Variants in RIPK1 observed in about 807,000 individuals in gnomAD.
RIPK1 encodes receptor-interacting serine/threonine-protein kinase 1.
Under a neutral mutation model 62.4 loss-of-function variants are expected in RIPK1, and 27 were observed. That is an observed-to-expected ratio of 0.43 (90% CI 0.32 to 0.60). The LOEUF (loss-of-function observed/expected upper bound fraction) is 0.60. RIPK1 is among the 20% of genes least tolerant of loss of function. RIPK1 has a pLI of 0.07. For missense variants in RIPK1, 735 were observed against 831.0 expected (o/e 0.88, Z 1.42); for synonymous variants, 287 against 303.2 (o/e 0.95, Z 0.55).
At chr6:3,067,163 T>G (rs1193825832), upstream of RIPK1, among the ~76,000 whole-genome samples, 2 of 151,178 alleles carry the variant, frequency 1.3e-5, no homozygotes, top group Non-Finnish European at 2.9e-5. Context: ...AAGTGATATC[T>G]TGGATGCCCT....
intron 6 of RIPK1, among the ~76,000 whole-genome samples, chr6:3,086,960 T>C (rs1759728652): frequency 6.6e-6 from 1 of 152,202 alleles, no homozygotes; most frequent in African/African-American, 2.4e-5. Flanking sequence ...CTTAGAAGAC[T>C]CCAAGGATTT....
Position 3,077,793 on chromosome 6 carries a change from T to A in RIPK1, c.179T>A (p.Leu60His). 1 of 1,614,110 alleles carries A rather than the reference T, an allele frequency of 6.2e-7. No individual in the cohort carries two copies. The highest frequency in any genetic ancestry group is 8.5e-7 in the Non-Finnish European group (1 of 1,179,994). ...GPNCIEHNEA[L>H]LEEAKMMNRL... ...CCTGCCCACAGGCACAACGAGGCCC[T>A]CTTGGAGGAGGCGAAGATGATGAAC... The change falls in exon 3 of 11, where the codon CTC (leucine) becomes CAC (histidine). Residue 60 changes from leucine to histidine, a missense_variant. Physicochemically the swap from Leu to His is moderately conservative, Grantham distance 99 (BLOSUM62 -3). This residue lies in a region of RIPK1 where 671 missense variants were observed against 726.2 expected (regional missense o/e 0.92). Coordinates refer to ENST00000259808, the MANE Select transcript of RIPK1 (RefSeq NM_001354930.2).
chr6:3,085,056 A>G (rs1759617257), intron 5 of RIPK1, among the ~76,000 whole-genome samples: 1 of 152,130 alleles, frequency 6.6e-6, no homozygotes, highest in African/African-American at 2.4e-5. Context: ...TTTGTCGAGA[A>G]TTTTGTTTTA....
chr6:3,066,414 C>A (rs1376096728), upstream of RIPK1, among the ~76,000 whole-genome samples: 1 of 152,074 alleles, frequency 6.6e-6, no homozygotes, highest in Non-Finnish European at 1.5e-5. Flanking sequence ...GGAATGAATT[C>A]CTTTTTGTAT....
chr6:3,106,571 C>A lies in RIPK1; in HGVS notation c.1576+520C>A, dbSNP rs532281133. On this transcript the variant is annotated intron_variant, in intron 9 of 10. Transcript: ENST00000259808. ...GAATGGAAGTGAGTTAATGTAATAT[C>A]CAGCATTTTTATCAAATAATACTCA... 4.6e-5 allele frequency among the ~76,000 whole-genome samples: 7 copies of A among 152,230 alleles called. No individual in the cohort carries two copies. In the South Asian group the frequency reaches 1.5e-3, roughly 32 times the overall value.
chr6:3,079,084 T>C (rs1025837050), intron 3 of RIPK1, among the ~76,000 whole-genome samples: 8 of 151,074 alleles, frequency 5.3e-5, no homozygotes, highest in Non-Finnish European at 1.2e-4. Flanking sequence ...AGCTGTGTGG[T>C]GGTATTTTTT....
rs1478140557 is a variant in RIPK1, at chr6:3,072,084, A to G, written c.-61+3423A>G. ...GCATAACTGATTCTCTCCTCTGTACATGCTAAGTGTTTTACCTACTTTTGC... is the reference window on the plus strand; with the variant it reads ...GCATAACTGATTCTCTCCTCTGTACGTGCTAAGTGTTTTACCTACTTTTGC... On this transcript the variant is annotated intron_variant, in intron 1 of 10. Transcript: ENST00000259808. This position sits in a 1 kb window ranked among gnomAD's most constrained non-coding sequence, Gnocchi z 5.6. Among the ~76,000 whole-genome samples, 4 of 152,320 alleles carry G rather than the reference A, an allele frequency of 2.6e-5. No homozygotes were observed. The South Asian group carries it at 6.2e-4, about 24-fold the overall frequency.
Position 3,072,098 on chromosome 6 carries a change from A to G in RIPK1, c.-61+3437A>G, listed in dbSNP as rs1258086125. ...CTCCTCTGTACATGCTAAGTGTTTT[A>G]CCTACTTTTGCTGTTCTATGTAATG... On this transcript the variant is annotated intron_variant, in intron 1 of 10. Coordinates refer to ENST00000259808, the MANE Select transcript of RIPK1 (RefSeq NM_001354930.2). This position sits in a 1 kb window ranked among gnomAD's most constrained non-coding sequence, Gnocchi z 5.6. Among the ~76,000 whole-genome samples, 4 of 152,302 alleles carry G rather than the reference A, an allele frequency of 2.6e-5. No homozygotes were observed. Among genetic ancestry groups the G allele is most frequent in the African/African-American group, 9.6e-5 (4 of 41,564 alleles).
Position 3,105,621 on chromosome 6 carries a change from C to T in RIPK1, c.1146C>T (p.Ala382=). ...TGCAGAGTAAACTCCAAGACGAAGC[C>T]AACTACCATCTTTATGGCAGCCGCA... is the stretch of plus-strand genomic sequence containing the variant. ...PSLQSKLQDE[A]NYHLYGSRMD... Residue 382 remains alanine (A), a synonymous_variant, in exon 9 of 11, where the codon GCC becomes GCT. Transcript: ENST00000259808. This position sits in a 1 kb window ranked among gnomAD's most constrained non-coding sequence, Gnocchi z 4.5. 2 of 1,614,062 alleles carry T rather than the reference C, an allele frequency of 1.2e-6. No homozygotes were observed. Among genetic ancestry groups the T allele is most frequent in the Non-Finnish European group, 1.7e-6 (2 of 1,179,990 alleles).
chr6:3,085,050 T>C (rs1759616472), intron 5 of RIPK1, among the ~76,000 whole-genome samples: 1 of 152,234 alleles, frequency 6.6e-6, no homozygotes, highest in Non-Finnish European at 1.5e-5. Flanking sequence ...GGCAGCTTTG[T>C]CGAGAATTTT....
chr6:3,104,286 T>A lies in RIPK1; in HGVS notation c.977T>A (p.Val326Glu), dbSNP rs2113688905. Residue 326 changes from valine (V) to glutamate (E), a missense_variant, in exon 8 of 11, where the codon GTG becomes GAG. Transcript: ENST00000259808. Reference sequence around the variant, plus strand: ...ATGCAGTCTCTTCAACTTGATTGTGTGGCAGTACCTTCAAGCCGGTCAAAT... The same window carrying A: ...ATGCAGTCTCTTCAACTTGATTGTGAGGCAGTACCTTCAAGCCGGTCAAAT... ...KRMQSLQLDC[V>E]AVPSSRSNSA... 1.9e-6 allele frequency: 3 copies of A among 1,600,194 alleles called. No homozygotes were observed. Among genetic ancestry groups the A allele is most frequent in the Non-Finnish European group, 1.7e-6 (2 of 1,168,398 alleles).
rs1760714951 is a variant in RIPK1 at position 3,104,211 on chromosome 6, G to C, written c.916-14G>C. On this transcript the variant is annotated splice_polypyrimidine_tract_variant and intron_variant, in intron 7 of 10. Coordinates refer to ENST00000259808, the MANE Select transcript of RIPK1 (RefSeq NM_001354930.2). ...GCTGTTCACTAAAGTGTGTATTTAT[G>C]CTCTTAATTATAGAAAGAGTATTCA... The C allele has an allele frequency of 7.8e-7, 1 of 1,280,426 alleles. No homozygotes were observed. 79.3% of individuals were successfully genotyped at this position (1,280,426 alleles called of 1,614,324 possible). A position where few individuals can be genotyped will look rare whatever the true frequency, so the allele number is the denominator to read the frequency against.
chr6:3,077,985 G>A, intron 3 of RIPK1, 50 bp downstream of exon 3: 1 of 1,587,050 alleles, frequency 6.3e-7, no homozygotes, highest in South Asian at 1.1e-5. Flanking sequence ...GGCCCTGGCT[G>A]TCTGTTATGG....
chr6:3,076,780 G>T lies in RIPK1; in HGVS notation c.-44G>T, dbSNP rs533195978. On this transcript the variant is annotated 5_prime_UTR_variant, in exon 2 of 11. Coordinates refer to ENST00000259808, the MANE Select transcript of RIPK1 (RefSeq NM_001354930.2). ...TCTTTACAGGGTACAGCTCTGCCGG[G>T]GGGGGAAAAAGTGGTACCATTTTGG... The T allele has an allele frequency of 1.5e-5, 24 of 1,603,436 alleles. No individual in the cohort carries two copies. In the African/African-American group the frequency reaches 1.9e-4, roughly 13 times the overall value.
intron 6 of RIPK1, among the ~76,000 whole-genome samples, chr6:3,087,818 G>T (rs17513373): frequency 7.9e-5 from 12 of 152,114 alleles, no homozygotes; most frequent in South Asian, 2.1e-4. Flanking sequence ...GATTACAGGT[G>T]TGAGCCACTG....
At chr6:3,107,104 T>C (rs769262083) in intron 9 of RIPK1, among the ~76,000 whole-genome samples, 4 of 151,430 alleles carry the variant, frequency 2.6e-5, no homozygotes, top group Admixed American at 6.6e-5. Flanking sequence ...ATACAAAAAT[T>C]AGCCAGGCGT....
At chr6:3,077,031 T>C in intron 2 of RIPK1, 44 bp downstream of exon 2, 1 of 1,532,788 alleles carries the variant, frequency 6.5e-7, no homozygotes, top group Non-Finnish European at 8.8e-7. Flanking sequence ...CTGAGCGGGA[T>C]GGGGACGTTG....
intron 9 of RIPK1, among the ~76,000 whole-genome samples, chr6:3,107,120 C>T (rs1205494517): frequency 6.6e-6 from 1 of 151,790 alleles, no homozygotes; most frequent in African/African-American, 2.4e-5. Flanking sequence ...GGCGTGGTGG[C>T]GCATGCCTTT....
upstream of RIPK1, among the ~76,000 whole-genome samples, chr6:3,065,797 C>T (rs764081920): frequency 3.9e-5 from 6 of 152,204 alleles, no homozygotes; most frequent in Non-Finnish European, 7.3e-5. Context: ...TTCTGGTGTT[C>T]TGCAAGGACC....
Sources: gnomAD v4.1 joint callset for allele counts (sites outside exome capture counted in the v4.1 genomes callset) on GRCh38, gnomAD v4.1.1 for gene constraint, gnomAD v4.1.1 regional missense constraint, Gnocchi (gnomAD v3.1) non-coding constraint, MANE v1.5 for transcripts, NCBI Gene and HGNC (gene_info 2026-07-23, HGNC 2026-07-21) for gene names.